The following PELI2 variants were observed in gnomAD, a reference collection of about 807,000 sequenced individuals.
The protein encoded by PELI2 is pellino E3 ubiquitin protein ligase family member 2.
A neutral mutation model predicts 42.3 loss-of-function variants in PELI2; 23 were observed. The observed-to-expected ratio is 0.54, with a 90% CI of 0.39 to 0.77. The LOEUF is 0.77. PELI2 is among the 30% of genes least tolerant of loss of function. The probability of loss-of-function intolerance (pLI) is 0.00; values close to 1 mark genes in which losing one functional copy is unlikely to be tolerated. For missense variants in PELI2, 463 were observed against 553.2 expected, an observed-to-expected ratio of 0.84 and a Z score of 1.64; for synonymous variants, 245 against 212.2, an observed-to-expected ratio of 1.15 and a Z score of -1.34.
At chr14:56,169,364 C>CA (rs1427215735) in intron 1 of PELI2, among the ~76,000 whole-genome samples, 1 of 152,188 alleles carries the variant, frequency 6.6e-6, no homozygotes, top group Admixed American at 6.5e-5. Flanking sequence ...TGCGGGGACT[C>CA]AAGTTCAGAC....
chr14:56,203,711 G>A (rs150930194), intron 2 of PELI2, among the ~76,000 whole-genome samples: 88 of 152,220 alleles, frequency 5.8e-4, no homozygotes, highest in Middle Eastern at 3.4e-3. Flanking sequence ...GTGCTCCTGA[G>A]CAAGATAGAT....
chr14:56,287,476 A>G (rs1014939478), intron 3 of PELI2, among the ~76,000 whole-genome samples: 10 of 152,244 alleles, frequency 6.6e-5, no homozygotes, highest in Non-Finnish European at 8.8e-5. Flanking sequence ...GATGAATTAT[A>G]TGATTTTATA....
chr14:56,241,732 C>T (rs567903527), intron 2 of PELI2, among the ~76,000 whole-genome samples: 5 of 152,168 alleles, frequency 3.3e-5, no homozygotes, highest in Admixed American at 6.5e-5. Context: ...TTGATTTAAA[C>T]GATCGGGAAT....
At chr14:56,121,580 A>G (rs1692428418) in intron 1 of PELI2, among the ~76,000 whole-genome samples, 2 of 152,236 alleles carry the variant, frequency 1.3e-5, no homozygotes, top group African/African-American at 2.4e-5. Flanking sequence ...TCTTTTTGCT[A>G]TAATTTTAAA....
intron 1 of PELI2, among the ~76,000 whole-genome samples, chr14:56,124,940 A>G (rs1883196133): frequency 1.3e-5 from 2 of 152,188 alleles, no homozygotes; most frequent in South Asian, 4.1e-4. Context: ...AGGGCTTATA[A>G]GATATTGGAA....
chr14:56,265,739 TCAAAA>T (rs1382847256), intron 2 of PELI2, among the ~76,000 whole-genome samples: 7 of 151,954 alleles, frequency 4.6e-5, no homozygotes, highest in Non-Finnish European at 7.4e-5. Flanking sequence ...GTATAAACTC[TCAAAA>T]CAACAGTAAG....
chr14:56,170,350 A>G (rs954332172), intron 1 of PELI2, among the ~76,000 whole-genome samples: 2 of 152,200 alleles, frequency 1.3e-5, no homozygotes, highest in Non-Finnish European at 2.9e-5. Flanking sequence ...GACTGGGAGC[A>G]CCTAGCATCC....
At chr14:56,258,482 G>A (rs368959937) in intron 2 of PELI2, among the ~76,000 whole-genome samples, 2 of 152,040 alleles carry the variant, frequency 1.3e-5, no homozygotes, top group African/African-American at 2.4e-5. Flanking sequence ...TCTCTATGAC[G>A]TGGAATGTAA....
At chr14:56,192,315 T>C (rs1885976727) in intron 2 of PELI2, among the ~76,000 whole-genome samples, 1 of 152,196 alleles carries the variant, frequency 6.6e-6, no homozygotes, top group Admixed American at 6.5e-5. Context: ...AGTCGAGTCG[T>C]GTTAAACTGG....
chr14:56,244,264 C>A (rs1566661005), intron 2 of PELI2, among the ~76,000 whole-genome samples: 1 of 152,194 alleles, frequency 6.6e-6, no homozygotes, highest in Non-Finnish European at 1.5e-5. Context: ...GAAAGAGGAA[C>A]AAGCTTTTGG....
At chr14:56,293,401 C>T (rs760347943) in intron 5 of PELI2, among the ~76,000 whole-genome samples, 2 of 152,188 alleles carry the variant, frequency 1.3e-5, no homozygotes, top group Non-Finnish European at 2.9e-5. Context: ...CCTGGTTTCA[C>T]CACTTAGTTC....
intron 2 of PELI2, among the ~76,000 whole-genome samples, chr14:56,237,441 T>A (rs1454125795): frequency 6.6e-6 from 1 of 152,102 alleles, no homozygotes; most frequent in Non-Finnish European, 1.5e-5. Flanking sequence ...TTTTAGATCT[T>A]TCTTTCTTAG....
At chr14:56,248,423 G>A (rs1566663375) in intron 2 of PELI2, among the ~76,000 whole-genome samples, 4 of 151,872 alleles carry the variant, frequency 2.6e-5, no homozygotes, top group Admixed American at 2.6e-4. Flanking sequence ...AAACAGCCCA[G>A]AAAAAGAAGC....
At chr14:56,141,937 A>G (rs192407420) in intron 1 of PELI2, among the ~76,000 whole-genome samples, 135 of 152,288 alleles carry the variant, frequency 8.9e-4, no homozygotes, top group African/African-American at 3.2e-3. Context: ...GATAAACTTA[A>G]ACAAATGCAA....
At chr14:56,275,231 A>G (rs1889249755) in intron 2 of PELI2, among the ~76,000 whole-genome samples, 2 of 152,092 alleles carry the variant, frequency 1.3e-5, no homozygotes, top group Non-Finnish European at 2.9e-5. Flanking sequence ...GCTGCCCAAT[A>G]GAGAAGTGAA....
intron 2 of PELI2, among the ~76,000 whole-genome samples, chr14:56,278,516 T>C (rs960485630): frequency 6.6e-6 from 1 of 152,184 alleles, no homozygotes; most frequent in Non-Finnish European, 1.5e-5. Flanking sequence ...ATTTTTTAGA[T>C]TCCTGACCAT....
chr14:56,266,539 T>G (rs1038107225), intron 2 of PELI2, among the ~76,000 whole-genome samples: 1 of 152,076 alleles, frequency 6.6e-6, no homozygotes, highest in Non-Finnish European at 1.5e-5. Flanking sequence ...ATGAGATTAC[T>G]CTTTTCACAT....
At chr14:56,165,993 T>C (rs1213816319) in intron 1 of PELI2, among the ~76,000 whole-genome samples, 1 of 152,168 alleles carries the variant, frequency 6.6e-6, no homozygotes, top group Non-Finnish European at 1.5e-5. Context: ...AAACTCTCAT[T>C]ATTAATAAGG....
At chr14:56,279,336 A>G (rs1468918270) in intron 2 of PELI2, among the ~76,000 whole-genome samples, 1 of 152,202 alleles carries the variant, frequency 6.6e-6, no homozygotes, top group Admixed American at 6.5e-5. Context: ...AAATGACTCT[A>G]TTAGTCTAAA....
Sources: gnomAD v4.1 joint callset for allele counts (sites outside exome capture counted in the v4.1 genomes callset) on GRCh38, gnomAD v4.1.1 for gene constraint, MANE v1.5 for transcripts, NCBI Gene and HGNC (gene_info 2026-07-23, HGNC 2026-07-21) for gene names.